The following ADAMTSL1 variants were observed in gnomAD, a reference collection of about 807,000 sequenced individuals.
ADAMTSL1 encodes the protein ADAMTS like 1.
ADAMTSL1 carries 126 observed loss-of-function variants against 201.8 expected under a neutral mutation model. The ratio of observed to expected loss-of-function variants is 0.62; its 90% confidence interval spans 0.54 to 0.72. The LOEUF (loss-of-function observed/expected upper bound fraction) is 0.72, where lower values mean the gene tolerates loss of function less well. Among genes scored for constraint, ADAMTSL1 ranks in the 30% least tolerant of loss-of-function variants. The pLI, the probability that ADAMTSL1 is intolerant of heterozygous loss-of-function variation, is 0.00. For missense variants in ADAMTSL1, 2,679 were observed against 2,277.8 expected (o/e 1.18, Z -3.59); for synonymous variants, 1,121 against 903.4 (o/e 1.24, Z -4.32).
At chr9:18,683,714 A>G (rs1290190434) in intron 12 of ADAMTSL1, among the ~76,000 whole-genome samples, 3 of 152,208 alleles carry the variant, frequency 2.0e-5, no homozygotes, top group Non-Finnish European at 2.9e-5. Context: ...CCCTAACTTA[A>G]AATAGTCAAT....
chr9:18,758,841 T>C (rs1412920784), intron 16 of ADAMTSL1, among the ~76,000 whole-genome samples: 2 of 152,178 alleles, frequency 1.3e-5, no homozygotes, highest in Non-Finnish European at 2.9e-5. Flanking sequence ...ATATTGTGAG[T>C]GAAGCACTTA....
intron 1 of ADAMTSL1, among the ~76,000 whole-genome samples, chr9:18,131,317 TA>T (rs1278831857): frequency 6.6e-6 from 1 of 152,168 alleles, no homozygotes; most frequent in Non-Finnish European, 1.5e-5. Context: ...CCAGTATTTC[TA>T]TAGGAAATTT....
chr9:18,564,099 C>T (rs150021330), intron 3 of ADAMTSL1, among the ~76,000 whole-genome samples: 1 of 152,188 alleles, frequency 6.6e-6, no homozygotes, highest in Admixed American at 6.5e-5. Flanking sequence ...TCTGCTTAAA[C>T]GGCCGCCCAG....
chr9:18,586,739 A>G (rs1028482387), intron 4 of ADAMTSL1, among the ~76,000 whole-genome samples: 2 of 152,202 alleles, frequency 1.3e-5, no homozygotes, highest in Admixed American at 1.3e-4. Flanking sequence ...TACTGGTTCA[A>G]GAACAGACAC....
intron 2 of ADAMTSL1, among the ~76,000 whole-genome samples, chr9:18,212,007 A>G (rs1005777702): frequency 1.2e-4 from 18 of 152,190 alleles, no homozygotes; most frequent in African/African-American, 4.3e-4. Context: ...GTCTCATTCA[A>G]GGACAGAACC....
At chr9:18,137,758 T>G (rs1005305788) in intron 1 of ADAMTSL1, among the ~76,000 whole-genome samples, 1 of 152,194 alleles carries the variant, frequency 6.6e-6, no homozygotes, top group African/African-American at 2.4e-5. Flanking sequence ...ACTATCTGTT[T>G]AATAATTAAA....
intron 3 of ADAMTSL1, among the ~76,000 whole-genome samples, chr9:18,553,235 C>A (rs1488101510): frequency 2.2e-5 from 3 of 137,328 alleles, no homozygotes; most frequent in African/African-American, 5.3e-5. Flanking sequence ...TCTTATTATA[C>A]TCTTCCCTCT....
At chr9:18,086,333 A>C (rs188662319) in intron 1 of ADAMTSL1, among the ~76,000 whole-genome samples, 13 of 152,308 alleles carry the variant, frequency 8.5e-5, no homozygotes, top group Admixed American at 7.8e-4. Flanking sequence ...ATAAGAGACT[A>C]ACCTTAAATA....
At position 18,684,693 on chromosome 9, in the gene ADAMTSL1, A is replaced by G. The variant is rs745842154; in HGVS notation, c.1490-23A>G. On this transcript the variant is annotated intron_variant, in intron 12 of 28. Coordinates refer to ENST00000380548, the MANE Select transcript of ADAMTSL1 (RefSeq NM_001040272.6). ...GATTGGTTCTAACCTCTTCTTTTGT[A>G]TGTGCATGCACTGAATTCTCAGAGA... is the stretch of plus-strand genomic sequence containing the variant. 11 of 1,608,964 alleles carry G rather than the reference A, an allele frequency of 6.8e-6. No individual in the cohort carries two copies. The South Asian group carries it at 7.8e-5, about 11-fold the overall frequency.
intron 1 of ADAMTSL1, among the ~76,000 whole-genome samples, chr9:17,948,238 T>C (rs1237652728): frequency 2.0e-5 from 3 of 152,224 alleles, no homozygotes; most frequent in Admixed American, 2.0e-4. Flanking sequence ...ATAAAACCAC[T>C]GTAGCAAGAG....
chr9:18,347,197 C>T (rs1266480218), intron 2 of ADAMTSL1, among the ~76,000 whole-genome samples: 1 of 152,154 alleles, frequency 6.6e-6, no homozygotes, highest in East Asian at 1.9e-4. Context: ...TATTTATCCT[C>T]TTCCAATAAT....
intron 2 of ADAMTSL1, among the ~76,000 whole-genome samples, chr9:18,201,099 A>G (rs576221052): frequency 1.3e-5 from 2 of 152,204 alleles, no homozygotes; most frequent in South Asian, 2.1e-4. Context: ...TGCTTGGTGT[A>G]TTAAAACTTA....
At chr9:18,573,313 G>A (rs1714729151) in intron 3 of ADAMTSL1, 1 of 154,672 alleles carries the variant, frequency 6.5e-6, no homozygotes, top group Non-Finnish European at 1.5e-5. Context: ...GCTGTGCAGA[G>A]TTATTGCCTC....
chr9:18,242,284 A>C (rs1034065970), intron 2 of ADAMTSL1, among the ~76,000 whole-genome samples: 1 of 152,172 alleles, frequency 6.6e-6, no homozygotes, highest in African/African-American at 2.4e-5. Context: ...CACTTGATGC[A>C]GAAAAAGCAT....
chr9:18,013,440 G>T (rs1820134767), intron 1 of ADAMTSL1, among the ~76,000 whole-genome samples: 1 of 151,998 alleles, frequency 6.6e-6, no homozygotes, highest in African/African-American at 2.4e-5. Flanking sequence ...GGTCTGTACA[G>T]TCTTACCTTG....
intron 2 of ADAMTSL1, among the ~76,000 whole-genome samples, chr9:18,184,538 G>A (rs146494963): frequency 1.3e-5 from 2 of 152,252 alleles, no homozygotes; most frequent in African/African-American, 4.8e-5. Context: ...GGAAACTTCC[G>A]CTTTTATTTT....
At chr9:18,654,538 C>G (rs2132948764) in intron 7 of ADAMTSL1, among the ~76,000 whole-genome samples, 1 of 152,276 alleles carries the variant, frequency 6.6e-6, no homozygotes, top group African/African-American at 2.4e-5. Context: ...ATAAATGTAC[C>G]TGCCTCCATG....
intron 4 of ADAMTSL1, among the ~76,000 whole-genome samples, chr9:18,619,491 G>T (rs751589072): frequency 2.0e-5 from 3 of 152,082 alleles, no homozygotes; most frequent in Non-Finnish European, 2.9e-5. Context: ...AAACTGACTT[G>T]GTTCATATCC....
At chr9:18,174,288 C>G (rs1322136932) in intron 2 of ADAMTSL1, among the ~76,000 whole-genome samples, 2 of 152,108 alleles carry the variant, frequency 1.3e-5, no homozygotes, top group African/African-American at 2.4e-5. Flanking sequence ...AATGCCTATC[C>G]TAAATAGACC....
Sources: allele counts gnomAD v4.1 joint callset (sites outside exome capture counted in the v4.1 genomes callset), GRCh38; gene constraint gnomAD v4.1.1; transcripts MANE v1.5; gene names NCBI Gene and HGNC (gene_info 2026-07-23, HGNC 2026-07-21).